The following ASNS variants were observed in gnomAD, a reference collection of about 807,000 sequenced individuals.
ASNS encodes the protein asparagine synthetase [glutamine-hydrolyzing].
ASNS carries 37 observed loss-of-function variants against 62.6 expected under a neutral mutation model. The observed-to-expected ratio is 0.59, with a 90% CI of 0.45 to 0.78. The LOEUF is 0.78. ASNS is among the 30% of genes least tolerant of loss of function. The pLI is 0.00. For missense variants in ASNS, 520 were observed against 682.4 expected (o/e 0.76, Z 2.65); for synonymous variants, 207 against 237.9 (o/e 0.87, Z 1.19).
At chr7:97,910,271 C>CCA in the ASNS span, among the ~76,000 whole-genome samples, 1 of 152,086 alleles carries the variant, frequency 6.6e-6, no homozygotes, top group Non-Finnish European at 1.5e-5. Flanking sequence ...TAATAAGCAC[C>CCA]CACACACACA....
At chr7:97,918,215 A>T in the ASNS span, among the ~76,000 whole-genome samples, 8 of 152,288 alleles carry the variant, frequency 5.3e-5, no homozygotes, top group South Asian at 1.7e-3. Context: ...GCAGAAGATG[A>T]TGTCTACACA....
chr7:97,908,913 G>C, the ASNS span: 1 of 152,138 alleles, frequency 6.6e-6, no homozygotes, highest in Non-Finnish European at 1.5e-5. Context: ...AAGCCGCCTG[G>C]ATGATTCTCT....
At chr7:97,879,415 G>A in the ASNS span, among the ~76,000 whole-genome samples, 21 of 152,196 alleles carry the variant, frequency 1.4e-4, no homozygotes, top group Non-Finnish European at 2.9e-4. Context: ...AGGGACCTAT[G>A]ACTTTCTTAT....
At chr7:97,911,973 C>G in the ASNS span, among the ~76,000 whole-genome samples, 1 of 152,182 alleles carries the variant, frequency 6.6e-6, no homozygotes, top group Non-Finnish European at 1.5e-5. Flanking sequence ...CACCTGAGAG[C>G]TTTTGCAAAC....
At chr7:97,887,756 G>T in the ASNS span, among the ~76,000 whole-genome samples, 1 of 152,224 alleles carries the variant, frequency 6.6e-6, no homozygotes, top group Admixed American at 6.5e-5. Flanking sequence ...GAGATTTGGA[G>T]TGACTTGTTA....
At chr7:97,876,431 T>A (rs1016695376), upstream of ASNS, among the ~76,000 whole-genome samples, 346 of 141,302 alleles carry the variant, frequency 2.4e-3, no homozygotes, top group Middle Eastern at 0.018. Flanking sequence ...TCAAACATAT[T>A]TTTTTTTTTT....
chr7:97,874,846 CGT>C (rs1228931691), upstream of ASNS, among the ~76,000 whole-genome samples: 1 of 152,262 alleles, frequency 6.6e-6, no homozygotes, highest in Non-Finnish European at 1.5e-5. Flanking sequence ...GATGACCACA[CGT>C]GTGTCTTGCC....
chr7:97,921,999 TTA>T, the ASNS span, among the ~76,000 whole-genome samples: 1 of 152,140 alleles, frequency 6.6e-6, no homozygotes, highest in Non-Finnish European at 1.5e-5. Context: ...CTGGAGGATA[TTA>T]TGTTAAGTGA....
chr7:97,907,316 C>T, the ASNS span, among the ~76,000 whole-genome samples: 3 of 152,162 alleles, frequency 2.0e-5, no homozygotes, highest in Admixed American at 6.5e-5. Flanking sequence ...CCTTATAAAT[C>T]AAGACAGTGA....
the ASNS span, among the ~76,000 whole-genome samples, chr7:97,925,555 C>A: frequency 1.3e-5 from 2 of 152,146 alleles, no homozygotes; most frequent in African/African-American, 2.4e-5. Flanking sequence ...ACCACCACCA[C>A]CATGAATGGT....
Position 97,858,328 on chromosome 7 carries a change from T to G in ASNS, c.853A>C (p.Thr285Pro), listed in dbSNP as rs1791553936. 2 of 1,614,014 alleles carry G rather than the reference T, an allele frequency of 1.2e-6. No homozygotes were observed. Among genetic ancestry groups the G allele is most frequent in the Admixed American group, 1.7e-5 (1 of 60,014 alleles). ...CTGTCTTCCATGCCAATTGCAAATG[T>G]CTGGAGAGGATACTGTACTTGGGCT... ...KEAQVQYPLQ[T>P]FAIGMEDSPD... The change falls in exon 7 of 13, where the codon ACA (threonine) becomes CCA (proline). Residue 285 changes from threonine (T) to proline (P), a missense_variant. By Grantham distance (38) the Thr-to-Pro change is conservative. Transcript: ENST00000394308.
chr7:97,920,070 C>T, the ASNS span, among the ~76,000 whole-genome samples: 1 of 151,694 alleles, frequency 6.6e-6, no homozygotes, highest in Admixed American at 6.6e-5. Context: ...TACAGTGGCA[C>T]AATCTCAGCT....
chr7:97,883,691 C>T, the ASNS span, among the ~76,000 whole-genome samples: 24 of 152,110 alleles, frequency 1.6e-4, no homozygotes, highest in Non-Finnish European at 3.1e-4. Context: ...TGTCGGTTAA[C>T]AATGATAAAA....
the ASNS span, among the ~76,000 whole-genome samples, chr7:97,923,337 C>T: frequency 6.6e-6 from 1 of 151,832 alleles, no homozygotes; most frequent in Non-Finnish European, 1.5e-5. Context: ...TGCCTGTAAT[C>T]CCAGCACTTT....
the ASNS span, among the ~76,000 whole-genome samples, chr7:97,903,500 A>C: frequency 6.6e-6 from 1 of 152,188 alleles, no homozygotes; most frequent in Admixed American, 6.5e-5. Flanking sequence ...CCACCATAAA[A>C]GCACGGTTCC....
the ASNS span, among the ~76,000 whole-genome samples, chr7:97,896,743 T>C: frequency 0.013 from 509 of 39,212 alleles, 10 homozygotes; most frequent in East Asian, 0.032. Flanking sequence ...CACACACACA[T>C]ATATATATAT....
At chr7:97,893,541 A>C in the ASNS span, among the ~76,000 whole-genome samples, 1 of 152,282 alleles carries the variant, frequency 6.6e-6, no homozygotes, top group Admixed American at 6.5e-5. Flanking sequence ...AAGATATACC[A>C]CACAAACAGA....
At chr7:97,888,667 G>A in the ASNS span, among the ~76,000 whole-genome samples, 1 of 152,130 alleles carries the variant, frequency 6.6e-6, no homozygotes, top group African/African-American at 2.4e-5. Flanking sequence ...ACCAGTGACT[G>A]GCTAAAAACA....
the ASNS span, among the ~76,000 whole-genome samples, chr7:97,901,913 G>T: frequency 6.6e-6 from 1 of 152,138 alleles, no homozygotes; most frequent in Non-Finnish European, 1.5e-5. Context: ...AGGAGGTGGA[G>T]GTTGCAGTGA....
Sources: gnomAD v4.1 joint callset for allele counts (sites outside exome capture counted in the v4.1 genomes callset) on GRCh38, gnomAD v4.1.1 for gene constraint, MANE v1.5 for transcripts, NCBI Gene and HGNC (gene_info 2026-07-23, HGNC 2026-07-21) for gene names.